The following CCDC171 variants were observed in gnomAD, a reference collection of about 807,000 sequenced individuals.
CCDC171 encodes the protein coiled-coil domain-containing protein 171.
In CCDC171, 177 loss-of-function variants were observed where a neutral mutation model predicts 168.2. That is an observed-to-expected ratio of 1.05 (90% CI 0.93 to 1.19). The LOEUF (loss-of-function observed/expected upper bound fraction) is 1.19, where lower values mean the gene tolerates loss of function less well. Among genes scored for constraint, CCDC171 ranks in the 50% most tolerant of loss-of-function variants. The pLI is 0.00. For synonymous variants in CCDC171, 687 were observed against 540.8 expected (o/e 1.27, Z -3.75); for missense variants, 1,991 against 1,539.0 (o/e 1.29, Z -4.91).
intron 25 of CCDC171, among the ~76,000 whole-genome samples, chr9:15,927,990 A>G (rs1444692480): frequency 5.3e-5 from 8 of 151,704 alleles, no homozygotes; most frequent in Admixed American, 2.0e-4. Flanking sequence ...AGCCTTGACA[A>G]TTTGTTGAGA....
chr9:16,038,651 AG>A (rs757479924), upstream of CCDC171, among the ~76,000 whole-genome samples: 1 of 152,138 alleles, frequency 6.6e-6, no homozygotes, highest in Non-Finnish European at 1.5e-5. Context: ...GAAAAAAGAA[AG>A]CAAAGATCAT....
chr9:15,907,147 A>G lies in CCDC171; in HGVS notation c.3601-13123A>G, dbSNP rs185605780. 5.5e-3 allele frequency among the ~76,000 whole-genome samples: 836 copies of G among 152,304 alleles called. 8 individuals carry two copies. The highest frequency in any genetic ancestry group is 8.2e-3 in the Non-Finnish European group (559 of 68,022). On this transcript the variant is annotated intron_variant, in intron 24 of 25. Transcript: ENST00000380701. ...CCAATGACTTTCTTCACAGAATTGG[A>G]AAAAACCTACTTTAAAGTTCATATG...
At chr9:15,772,119 TCAC>T (rs750197021) in intron 18 of CCDC171, among the ~76,000 whole-genome samples, 13 of 152,136 alleles carry the variant, frequency 8.5e-5, no homozygotes, top group Non-Finnish European at 4.4e-5. Flanking sequence ...CAGGCATAAT[TCAC>T]CACGCCTGGC....
At chr9:16,105,372 CTCCCTG>C in the CCDC171 span, among the ~76,000 whole-genome samples, 1 of 152,114 alleles carries the variant, frequency 6.6e-6, no homozygotes, top group East Asian at 1.9e-4. Context: ...AAAGCACACA[CTCCCTG>C]TCCACCTGCT....
chr9:15,744,440 TC>T lies in CCDC171; in HGVS notation c.2221del (p.Leu741SerfsTer32). On this transcript the variant is annotated frameshift_variant, in exon 17 of 26. Coordinates refer to ENST00000380701, the MANE Select transcript of CCDC171 (RefSeq NM_173550.4). LOFTEE classifies it high-confidence loss of function. Reference protein sequence around the residue: ...ACALMAGALYPLYSRSCALST... With the variant: ...ACALMAGALYXLYSRSCALST... ...GTGCATTAATGGCTGGTGCCTTATA[TC>T]CCCTCTATAGCCGATCATGCGCCTT... 6.2e-7 allele frequency: 1 copy of T among 1,614,138 alleles called. No homozygotes were observed. The highest frequency in any genetic ancestry group is 8.5e-7 in the Non-Finnish European group (1 of 1,180,020).
At chr9:15,637,902 C>G (rs1242133744) in intron 7 of CCDC171, among the ~76,000 whole-genome samples, 2 of 151,986 alleles carry the variant, frequency 1.3e-5, no homozygotes, top group African/African-American at 4.8e-5. Flanking sequence ...CAAGTCTTTG[C>G]TATTGTGAAT....
chr9:15,961,664 A>G (rs1466499620), intron 25 of CCDC171, among the ~76,000 whole-genome samples: 4 of 152,166 alleles, frequency 2.6e-5, no homozygotes, highest in Non-Finnish European at 5.9e-5. Flanking sequence ...CTATCCAATT[A>G]CATTTTCATT....
At chr9:15,648,197 GCC>G in intron 7 of CCDC171, among the ~76,000 whole-genome samples, 1 of 152,162 alleles carries the variant, frequency 6.6e-6, no homozygotes, top group Admixed American at 6.5e-5. Context: ...AAATTCAACA[GCC>G]CTTCATGCTA....
intron 3 of CCDC171, among the ~76,000 whole-genome samples, chr9:15,989,148 C>T (rs1162792693): frequency 6.6e-6 from 1 of 152,156 alleles, no homozygotes; most frequent in Non-Finnish European, 1.5e-5. Context: ...GGTCGCTGAC[C>T]CCCGAGTAGC....
intron 21 of CCDC171, among the ~76,000 whole-genome samples, chr9:15,808,957 T>C (rs1321307390): frequency 6.6e-6 from 1 of 152,132 alleles, no homozygotes; most frequent in Non-Finnish European, 1.5e-5. Context: ...GGCACCTTCT[T>C]GCTGTGTCTT....
chr9:16,081,595 C>T, the CCDC171 span, among the ~76,000 whole-genome samples: 18 of 152,172 alleles, frequency 1.2e-4, no homozygotes, highest in Non-Finnish European at 1.0e-4. Context: ...AAGCTGGGAA[C>T]ATTTCAGAGC....
chr9:15,620,169 A>G (rs2044393839), intron 6 of CCDC171, among the ~76,000 whole-genome samples: 2 of 152,352 alleles, frequency 1.3e-5, no homozygotes, highest in East Asian at 1.9e-4. Flanking sequence ...GCATCAATGA[A>G]GAATTTTGAC....
intron 1 of CCDC171, among the ~76,000 whole-genome samples, chr9:16,054,162 A>G (rs1833796622): frequency 6.6e-6 from 1 of 152,190 alleles, no homozygotes; most frequent in Non-Finnish European, 1.5e-5. Context: ...GGCTTTGTAG[A>G]CAGCAGCTAG....
At chr9:15,663,644 C>T (rs947783949) in intron 8 of CCDC171, among the ~76,000 whole-genome samples, 2 of 142,520 alleles carry the variant, frequency 1.4e-5, no homozygotes, top group Non-Finnish European at 3.0e-5. Context: ...ATCGCTCTGT[C>T]ACCCAGGCTG....
intron 23 of CCDC171, among the ~76,000 whole-genome samples, chr9:15,864,349 G>T (rs2061681053): frequency 6.6e-6 from 1 of 152,008 alleles, no homozygotes; most frequent in African/African-American, 2.4e-5. Flanking sequence ...TAGGGTACAT[G>T]TGCACAATGT....
chr9:15,825,276 GA>G (rs2059964978), intron 21 of CCDC171, among the ~76,000 whole-genome samples: 1 of 152,070 alleles, frequency 6.6e-6, no homozygotes. Flanking sequence ...GAGCAGGTGA[GA>G]TCAGACAATG....
chr9:15,924,202 A>T (rs1825651595), intron 25 of CCDC171, among the ~76,000 whole-genome samples: 1 of 151,542 alleles, frequency 6.6e-6, no homozygotes, highest in Non-Finnish European at 1.5e-5. Flanking sequence ...AGCTGAAATA[A>T]GTTAAGGGAC....
intron 24 of CCDC171, among the ~76,000 whole-genome samples, chr9:15,891,682 A>T (rs1820238342): frequency 6.6e-6 from 1 of 152,240 alleles, no homozygotes; most frequent in South Asian, 2.1e-4. Flanking sequence ...TAAAATGAAG[A>T]ACCATACCAA....
chr9:15,875,427 A>G (rs1236554059), intron 24 of CCDC171: 2 of 151,982 alleles, frequency 1.3e-5, no homozygotes, highest in African/African-American at 2.4e-5. Flanking sequence ...TAATCTGACA[A>G]AATGAAATTC....
Sources: gnomAD v4.1 joint callset for allele counts (sites outside exome capture counted in the v4.1 genomes callset) on GRCh38, gnomAD v4.1.1 for gene constraint, MANE v1.5 for transcripts, NCBI Gene and HGNC (gene_info 2026-07-23, HGNC 2026-07-21) for gene names.